EDIL3: variants seen among roughly 807,000 people sequenced by gnomAD.
The protein encoded by EDIL3 is EGF-like repeat and discoidin I-like domain-containing protein 3.
Under a neutral mutation model 67.4 loss-of-function variants are expected in EDIL3, and 37 were observed. That is an observed-to-expected ratio of 0.55 (90% CI 0.42 to 0.72). The LOEUF (loss-of-function observed/expected upper bound fraction) is 0.72, where lower values mean the gene tolerates loss of function less well. Among genes scored for constraint, EDIL3 ranks in the 30% least tolerant of loss-of-function variants. The probability of loss-of-function intolerance (pLI) is 0.00; values close to 1 mark genes in which losing one functional copy is unlikely to be tolerated. For synonymous variants in EDIL3, 195 were observed against 196.3 expected, an observed-to-expected ratio of 0.99 and a Z score of 0.05; for missense variants, 527 against 586.3, an observed-to-expected ratio of 0.90 and a Z score of 1.04.
At chr5:84,218,481 C>T (rs1274813666) in intron 3 of EDIL3, among the ~76,000 whole-genome samples, 1 of 152,184 alleles carries the variant, frequency 6.6e-6, no homozygotes, top group African/African-American at 2.4e-5. Context: ...AAGCCTCCAC[C>T]AATTGTCCTC....
intron 2 of EDIL3, among the ~76,000 whole-genome samples, chr5:84,250,637 T>C (rs1249912044): frequency 1.3e-5 from 2 of 152,180 alleles, no homozygotes; most frequent in Admixed American, 6.5e-5. Context: ...AATCATGAAA[T>C]GTTTTTCTCT....
At chr5:84,150,426 C>T (rs917710583) in intron 4 of EDIL3, among the ~76,000 whole-genome samples, 1 of 152,008 alleles carries the variant, frequency 6.6e-6, no homozygotes, top group Non-Finnish European at 1.5e-5. Context: ...ATATAAACAA[C>T]TCTCATAACT....
intron 9 of EDIL3, among the ~76,000 whole-genome samples, chr5:84,031,315 G>C (rs1217331950): frequency 6.6e-6 from 1 of 152,100 alleles, no homozygotes; most frequent in South Asian, 2.1e-4. Flanking sequence ...GTAATTGTTT[G>C]ACATATTTTT....
chr5:84,119,251 T>C (rs2112297114), intron 5 of EDIL3, among the ~76,000 whole-genome samples: 1 of 87,492 alleles, frequency 1.1e-5, no homozygotes, highest in East Asian at 3.7e-4. Context: ...GAAATGAAAA[T>C]GGAGTAGAAC....
chr5:84,195,522 A>G (rs947668241), intron 3 of EDIL3, among the ~76,000 whole-genome samples: 1 of 152,006 alleles, frequency 6.6e-6, no homozygotes, highest in African/African-American at 2.4e-5. Flanking sequence ...AAAGGGATTT[A>G]GGATTGTATA....
intron 2 of EDIL3, among the ~76,000 whole-genome samples, chr5:84,242,786 C>T (rs75461834): frequency 0.14 from 12,544 of 89,022 alleles, 616 homozygotes; most frequent in Middle Eastern, 0.24. Flanking sequence ...CGACAGAGAC[C>T]CTATCTTAAA....
intron 4 of EDIL3, among the ~76,000 whole-genome samples, chr5:84,162,785 C>T (rs1231253116): frequency 6.6e-6 from 1 of 152,076 alleles, no homozygotes; most frequent in African/African-American, 2.4e-5. Context: ...AACTGTACTC[C>T]ATTCCCCATA....
intron 6 of EDIL3, among the ~76,000 whole-genome samples, chr5:84,086,170 G>T (rs116041036): frequency 0.012 from 1,878 of 152,224 alleles, 34 homozygotes; most frequent in African/African-American, 0.043. Flanking sequence ...GGAGTGGCCG[G>T]TTCTTCTGTC....
intron 5 of EDIL3, among the ~76,000 whole-genome samples, chr5:84,121,542 T>G (rs72776513): frequency 6.4e-3 from 197 of 30,776 alleles, no homozygotes; most frequent in African/African-American, 0.013. Flanking sequence ...TAGATCGATC[T>G]ATCTATCTAT....
intron 3 of EDIL3, among the ~76,000 whole-genome samples, chr5:84,187,954 T>C (rs1333186429): frequency 6.6e-6 from 1 of 152,018 alleles, no homozygotes; most frequent in Non-Finnish European, 1.5e-5. Flanking sequence ...AGACGTAAAC[T>C]ATTTTATGAT....
intron 1 of EDIL3, among the ~76,000 whole-genome samples, chr5:84,311,882 T>G (rs1338632953): frequency 6.6e-6 from 1 of 152,068 alleles, no homozygotes; most frequent in Non-Finnish European, 1.5e-5. Context: ...GGGGGTAGGG[T>G]CACCCATCAA....
chr5:84,208,534 C>T (rs1744037059), intron 3 of EDIL3, among the ~76,000 whole-genome samples: 1 of 151,208 alleles, frequency 6.6e-6, no homozygotes, highest in Non-Finnish European at 1.5e-5. Flanking sequence ...AAAAAATTAG[C>T]CGGGCGCGGT....
At chr5:84,121,574 T>C (rs1054076484) in intron 5 of EDIL3, among the ~76,000 whole-genome samples, 1 of 151,418 alleles carries the variant, frequency 6.6e-6, no homozygotes, top group African/African-American at 2.4e-5. Context: ...TCTATCTATC[T>C]ATCTACATTT....
intron 4 of EDIL3, among the ~76,000 whole-genome samples, chr5:84,170,743 G>A (rs1042156487): frequency 4.6e-5 from 7 of 151,476 alleles, no homozygotes; most frequent in African/African-American, 1.7e-4. Flanking sequence ...TCTATTTCTG[G>A]GAACAATCTT....
rs1030350347 is a variant in EDIL3 at position 84,235,678 on chromosome 5, C to T, written c.197-5794G>A. ...AGAAAAGATACACAAATGTTTAATA[C>T]AGTCATTTGTATTAAATAAAGCTCA... On this transcript the variant is annotated intron_variant, in intron 2 of 10. Transcript: ENST00000296591. 5.3e-5 allele frequency among the ~76,000 whole-genome samples: 8 copies of T among 151,898 alleles called. No individual in the cohort carries two copies. The South Asian group carries it at 1.7e-3, about 32-fold the overall frequency.
At chr5:84,056,435 C>T (rs1024139225) in intron 9 of EDIL3, among the ~76,000 whole-genome samples, 6 of 151,858 alleles carry the variant, frequency 4.0e-5, no homozygotes, top group South Asian at 2.1e-4. Flanking sequence ...CAAACCTTCA[C>T]ATTGTGCACA....
chr5:84,333,362 G>C (rs185551010), intron 1 of EDIL3, among the ~76,000 whole-genome samples: 1 of 152,086 alleles, frequency 6.6e-6, no homozygotes, highest in African/African-American at 2.4e-5. Context: ...CAAAAGAAAG[G>C]TTCTTAACAT....
At chr5:84,363,949 T>A (rs1167597429) in intron 1 of EDIL3, among the ~76,000 whole-genome samples, 1 of 152,154 alleles carries the variant, frequency 6.6e-6, no homozygotes, top group African/African-American at 2.4e-5. Flanking sequence ...TGACTATATA[T>A]CAGGTTTGTC....
chr5:84,112,484 C>T lies in EDIL3; in HGVS notation c.470-5654G>A, dbSNP rs529360413. ...TGGCCACGTTTCACAAATAACATCA[C>T]TGGACCAAATTCCTCTCTTAAAATT... On this transcript the variant is annotated intron_variant, in intron 5 of 10. Coordinates refer to ENST00000296591, the MANE Select transcript of EDIL3 (RefSeq NM_005711.5). Among the ~76,000 whole-genome samples the T allele has an allele frequency of 5.9e-5, 9 of 152,300 alleles. No homozygotes were observed. The South Asian group carries it at 1.7e-3, about 28-fold the overall frequency.
Sources: gnomAD v4.1 joint callset for allele counts (sites outside exome capture counted in the v4.1 genomes callset) on GRCh38, gnomAD v4.1.1 for gene constraint, MANE v1.5 for transcripts, NCBI Gene and HGNC (gene_info 2026-07-23, HGNC 2026-07-21) for gene names.